UST: variants seen among roughly 807,000 people sequenced by gnomAD.
The protein encoded by UST is chondroitin sulfate 2-O-sulfotransferase.
In UST, 21 loss-of-function variants were observed where a neutral mutation model predicts 45.6. The observed-to-expected ratio is 0.46, with a 90% CI of 0.33 to 0.66. The LOEUF is 0.66. Among genes scored for constraint, UST ranks in the 30% least tolerant of loss-of-function variants. The pLI is 0.02. For synonymous variants in UST, 215 were observed against 200.6 expected (o/e 1.07, Z -0.61); for missense variants, 463 against 512.4 (o/e 0.90, Z 0.93).
intron 2 of UST, among the ~76,000 whole-genome samples, chr6:148,906,826 C>T (rs1393142148): frequency 6.6e-6 from 1 of 152,138 alleles, no homozygotes; most frequent in African/African-American, 2.4e-5. Flanking sequence ...CCTAGTCTAT[C>T]CTGGATTAAT....
At chr6:148,801,558 G>T (rs1238194947) in intron 1 of UST, among the ~76,000 whole-genome samples, 1 of 152,108 alleles carries the variant, frequency 6.6e-6, no homozygotes, top group Non-Finnish European at 1.5e-5. Flanking sequence ...TGTGGTAGAT[G>T]TGTGAAGGTC....
chr6:148,778,477 C>G (rs1198607897), intron 1 of UST, among the ~76,000 whole-genome samples: 1 of 152,222 alleles, frequency 6.6e-6, no homozygotes, highest in Non-Finnish European at 1.5e-5. Context: ...GAAAAAGGCA[C>G]TCCTTGGGAC....
chr6:148,782,881 A>C (rs942941907), intron 1 of UST, among the ~76,000 whole-genome samples: 5 of 152,256 alleles, frequency 3.3e-5, no homozygotes, highest in African/African-American at 1.2e-4. Flanking sequence ...TAGTGGATAA[A>C]GCAGCTGCAG....
intron 2 of UST, among the ~76,000 whole-genome samples, chr6:148,892,764 C>G (rs1779044502): frequency 6.6e-6 from 1 of 152,042 alleles, no homozygotes; most frequent in South Asian, 2.1e-4. Context: ...TTACTTTAGT[C>G]TTCTTAAACC....
chr6:148,844,297 A>G (rs1197104116), intron 1 of UST, among the ~76,000 whole-genome samples: 1 of 152,244 alleles, frequency 6.6e-6, no homozygotes, highest in African/African-American at 2.4e-5. Context: ...CTATGTTACA[A>G]GCGAGGAAAG....
chr6:148,776,669 T>C (rs1351929680), intron 1 of UST, among the ~76,000 whole-genome samples: 1 of 152,238 alleles, frequency 6.6e-6, no homozygotes, highest in Non-Finnish European at 1.5e-5. Flanking sequence ...AGTGAAAGTT[T>C]AGAGCTTTAA....
At chr6:148,915,739 G>A (rs2114886541) in intron 2 of UST, among the ~76,000 whole-genome samples, 1 of 152,286 alleles carries the variant, frequency 6.6e-6, no homozygotes, top group South Asian at 2.1e-4. Flanking sequence ...GAAAAATAGG[G>A]GAATGCATAA....
chr6:148,761,869 CG>C (rs2114658707), intron 1 of UST, among the ~76,000 whole-genome samples: 2 of 152,296 alleles, frequency 1.3e-5, no homozygotes, highest in South Asian at 4.1e-4. Flanking sequence ...AAATGTGTTG[CG>C]TGCTCTCCCA....
At chr6:149,019,281 G>C in intron 6 of UST, 45 bp downstream of exon 6, 1 of 1,474,672 alleles carries the variant, frequency 6.8e-7, no homozygotes, top group Non-Finnish European at 9.5e-7. Context: ...CGCACAACAA[G>C]GGCAAGAACC....
chr6:148,993,148 T>G, intron 5 of UST: 1 of 866,276 alleles, frequency 1.2e-6, no homozygotes, highest in South Asian at 5.3e-5. Context: ...GTAAGTTCGA[T>G]TTCTACATCT....
chr6:148,857,624 T>C lies in UST; in HGVS notation c.248-29362T>C, dbSNP rs575220634. On this transcript the variant is annotated intron_variant, in intron 1 of 7. Transcript: ENST00000367463. Reference sequence around the variant, plus strand: ...AGTGGCTTGACCGATATTGTAGAGCTTATTCATGGTGAAGATTCCAGGTGG... The same window carrying C: ...AGTGGCTTGACCGATATTGTAGAGCCTATTCATGGTGAAGATTCCAGGTGG... 7.9e-4 allele frequency among the ~76,000 whole-genome samples: 120 copies of C among 152,296 alleles called. 2 individuals are homozygous for C. In the South Asian group the frequency reaches 0.024, roughly 30 times the overall value.
chr6:148,773,629 T>G (rs1343702460), intron 1 of UST, among the ~76,000 whole-genome samples: 2 of 152,172 alleles, frequency 1.3e-5, no homozygotes, highest in African/African-American at 4.8e-5. Flanking sequence ...GAAAGGTAAA[T>G]ATTCAAATTC....
intron 5 of UST, among the ~76,000 whole-genome samples, chr6:149,010,310 C>T (rs1021344730): frequency 6.6e-6 from 1 of 152,196 alleles, no homozygotes; most frequent in Non-Finnish European, 1.5e-5. Flanking sequence ...TCCAGACTCT[C>T]TGTGAGACCA....
rs1259958547 is a variant in UST at position 148,748,181 on chromosome 6, C to G, written c.247+504C>G. Among the ~76,000 whole-genome samples the G allele has an allele frequency of 1.3e-5, 2 of 152,174 alleles. No homozygotes were observed. Among genetic ancestry groups the G allele is most frequent in the Non-Finnish European group, 2.9e-5 (2 of 68,028 alleles). On this transcript the variant is annotated intron_variant, in intron 1 of 7. Coordinates refer to ENST00000367463, the MANE Select transcript of UST (RefSeq NM_005715.3). The surrounding 1 kb of genome is among the most constrained non-coding windows in gnomAD (Gnocchi z 5.3). ...GAATTCTGTCCCGCAGATCCCCCGC[C>G]TGCCCGCCGGCCCTAGTGGCTCCGC...
At chr6:148,881,865 T>G (rs1165561336) in intron 1 of UST, among the ~76,000 whole-genome samples, 1 of 152,200 alleles carries the variant, frequency 6.6e-6, no homozygotes, top group Non-Finnish European at 1.5e-5. Flanking sequence ...TCTGACAGTT[T>G]TGTTGACTTT....
intron 1 of UST, among the ~76,000 whole-genome samples, chr6:148,802,282 C>T (rs1388093831): frequency 2.0e-5 from 3 of 152,152 alleles, no homozygotes; most frequent in Non-Finnish European, 4.4e-5. Context: ...CCCAAGGAAT[C>T]GTAGTTCTTA....
At chr6:148,884,132 C>G (rs1019742844) in intron 1 of UST, among the ~76,000 whole-genome samples, 1 of 94,858 alleles carries the variant, frequency 1.1e-5, no homozygotes, top group Non-Finnish European at 2.4e-5. Flanking sequence ...GACACCGTCT[C>G]AAAAAAAAAA....
At chr6:148,927,255 A>G (rs34643130) in intron 2 of UST, among the ~76,000 whole-genome samples, 21,188 of 152,118 alleles carry the variant, frequency 0.14, 1,744 homozygotes, top group Admixed American at 0.19. Flanking sequence ...ATAGAAATAC[A>G]TTGAAGTCTT....
At chr6:148,904,025 G>C (rs935451154) in intron 2 of UST, among the ~76,000 whole-genome samples, 1 of 152,198 alleles carries the variant, frequency 6.6e-6, no homozygotes, top group African/African-American at 2.4e-5. Context: ...GGAGGTAGAA[G>C]CAAAGACTAA....
Sources: allele counts gnomAD v4.1 joint callset (sites outside exome capture counted in the v4.1 genomes callset), GRCh38; gene constraint gnomAD v4.1.1; non-coding constraint Gnocchi (gnomAD v3.1); transcripts MANE v1.5; gene names NCBI Gene and HGNC (gene_info 2026-07-23, HGNC 2026-07-21).